The following NALF1 variants were observed in gnomAD, a reference collection of about 807,000 sequenced individuals.
NALF1 encodes the protein NALCN channel auxiliary factor 1, also known as family with sequence similarity 155 member A.
A neutral mutation model predicts 48.4 loss-of-function variants in NALF1; 3 were observed. That is an observed-to-expected ratio of 0.06 (90% confidence interval 0.03 to 0.16). The LOEUF (loss-of-function observed/expected upper bound fraction) is 0.16, where lower values mean the gene tolerates loss of function less well. NALF1 is among the 10% of genes least tolerant of loss of function. The probability of loss-of-function intolerance (pLI) is 1.00; values close to 1 mark genes in which losing one functional copy is unlikely to be tolerated. For synonymous variants in NALF1, 262 were observed against 245.7 expected (o/e 1.07, Z -0.62); for missense variants, 526 against 571.5 (o/e 0.92, Z 0.81).
chr13:107,416,016 T>C (rs907204767), intron 1 of NALF1, among the ~76,000 whole-genome samples: 3 of 152,010 alleles, frequency 2.0e-5, no homozygotes, highest in South Asian at 2.1e-4. Flanking sequence ...TTTTTTTCTT[T>C]TTTTTTTTGA....
At chr13:107,312,164 A>T (rs1882058587) in intron 1 of NALF1, among the ~76,000 whole-genome samples, 1 of 152,198 alleles carries the variant, frequency 6.6e-6, no homozygotes, top group African/African-American at 2.4e-5. Flanking sequence ...GAAGACTTGG[A>T]ACCAACCCAA....
intron 1 of NALF1, among the ~76,000 whole-genome samples, chr13:107,287,164 TAAAAAC>T (rs1881512223): frequency 6.6e-6 from 1 of 152,184 alleles, no homozygotes; most frequent in Admixed American, 6.5e-5. Context: ...TGTTAGTGAC[TAAAAAC>T]ATATGGTAAC....
chr13:107,671,516 T>C (rs1035996085), intron 1 of NALF1, among the ~76,000 whole-genome samples: 7 of 152,120 alleles, frequency 4.6e-5, no homozygotes, highest in Non-Finnish European at 7.4e-5. Flanking sequence ...CATAGTTTTA[T>C]ATAAGCTGCA....
intron 1 of NALF1, among the ~76,000 whole-genome samples, chr13:107,393,514 C>G (rs1346561972): frequency 1.3e-5 from 2 of 152,136 alleles, no homozygotes; most frequent in Non-Finnish European, 2.9e-5. Flanking sequence ...TCTAGCCTCT[C>G]TAGGAGTCCA....
At chr13:107,566,620 G>A (rs536529802) in intron 1 of NALF1, among the ~76,000 whole-genome samples, 93 of 152,310 alleles carry the variant, frequency 6.1e-4, no homozygotes, top group African/African-American at 2.1e-3. Flanking sequence ...CCAGATTCAC[G>A]TTGTGGTTCC....
intron 1 of NALF1, among the ~76,000 whole-genome samples, chr13:107,716,653 G>A (rs943251606): frequency 2.6e-5 from 4 of 152,164 alleles, no homozygotes; most frequent in Non-Finnish European, 4.4e-5. Context: ...CTTAGCTGGA[G>A]ACAGGAGATG....
At chr13:107,763,993 G>A (rs1364969400) in intron 1 of NALF1, among the ~76,000 whole-genome samples, 1 of 152,042 alleles carries the variant, frequency 6.6e-6, no homozygotes, top group African/African-American at 2.4e-5. Context: ...TTTGGTCTGA[G>A]AGCCTTTCTA....
intron 1 of NALF1, among the ~76,000 whole-genome samples, chr13:107,813,046 C>T (rs1383368731): frequency 6.6e-6 from 1 of 152,050 alleles, no homozygotes; most frequent in African/African-American, 2.4e-5. Context: ...GTGAGCACCA[C>T]GCCTGGATAA....
intron 1 of NALF1, among the ~76,000 whole-genome samples, chr13:107,585,704 A>G (rs1878435948): frequency 1.3e-5 from 2 of 152,230 alleles, no homozygotes; most frequent in South Asian, 4.2e-4. Context: ...AGCCTCTGCC[A>G]TCTGTTCTTG....
chr13:107,312,935 AC>A, intron 1 of NALF1, among the ~76,000 whole-genome samples: 1 of 152,198 alleles, frequency 6.6e-6, no homozygotes, highest in South Asian at 2.1e-4. Flanking sequence ...AAAGCTCCCT[AC>A]ATAAAGAGAC....
At chr13:107,219,555 G>A (rs1197176026) in intron 1 of NALF1, among the ~76,000 whole-genome samples, 2 of 152,210 alleles carry the variant, frequency 1.3e-5, no homozygotes, top group South Asian at 2.1e-4. Flanking sequence ...AAGGATAGGA[G>A]AAGAGAGAAT....
intron 1 of NALF1, among the ~76,000 whole-genome samples, chr13:107,606,280 A>ATGTG (rs144536715): frequency 2.0e-4 from 30 of 151,306 alleles, no homozygotes; most frequent in African/African-American, 6.1e-4. Flanking sequence ...ATATATATAT[A>ATGTG]TGTGTGTGTT....
At chr13:107,198,573 T>C (rs1879442104) in intron 2 of NALF1, among the ~76,000 whole-genome samples, 1 of 152,242 alleles carries the variant, frequency 6.6e-6, no homozygotes, top group Admixed American at 6.5e-5. Flanking sequence ...AGTTGGAATT[T>C]GTTCTTTGCT....
At chr13:107,232,793 G>A (rs952882582) in intron 1 of NALF1, among the ~76,000 whole-genome samples, 2 of 152,280 alleles carry the variant, frequency 1.3e-5, no homozygotes, top group South Asian at 2.1e-4. Flanking sequence ...AAAAGAGCCT[G>A]CAATTTTTTT....
At chr13:107,409,000 T>C (rs1334843702) in intron 1 of NALF1, among the ~76,000 whole-genome samples, 1 of 152,100 alleles carries the variant, frequency 6.6e-6, no homozygotes, top group Non-Finnish European at 1.5e-5. Context: ...TTGAACAGTG[T>C]TACAAAGAAG....
intron 1 of NALF1, among the ~76,000 whole-genome samples, chr13:107,778,803 C>T (rs986492942): frequency 6.6e-6 from 1 of 152,086 alleles, no homozygotes; most frequent in African/African-American, 2.4e-5. Flanking sequence ...TAAGGGCTCC[C>T]TCAATCACCT....
chr13:107,275,293 G>A (rs1020957851), intron 1 of NALF1, among the ~76,000 whole-genome samples: 5 of 151,898 alleles, frequency 3.3e-5, no homozygotes, highest in African/African-American at 7.3e-5. Flanking sequence ...GGTAATGAAT[G>A]TGTGTATCAA....
chr13:107,480,662 C>G (rs1452896028), intron 1 of NALF1, among the ~76,000 whole-genome samples: 4 of 152,112 alleles, frequency 2.6e-5, no homozygotes, highest in Non-Finnish European at 5.9e-5. Flanking sequence ...TCAAATCTGT[C>G]CTGGGATACA....
At chr13:107,175,140 CG>C in intron 2 of NALF1, among the ~76,000 whole-genome samples, 1 of 150,372 alleles carries the variant, frequency 6.7e-6, no homozygotes, top group East Asian at 2.0e-4. Flanking sequence ...CTGCCCGCCT[CG>C]GCCTCCCAAA....
Sources: gnomAD v4.1 joint callset for allele counts (sites outside exome capture counted in the v4.1 genomes callset) on GRCh38, gnomAD v4.1.1 for gene constraint, MANE v1.5 for transcripts, NCBI Gene and HGNC (gene_info 2026-07-23, HGNC 2026-07-21) for gene names.